Variants in RHOBTB3 observed in about 807,000 individuals in gnomAD.
The protein encoded by RHOBTB3 is Rho related BTB domain containing 3.
Under a neutral mutation model 67.2 loss-of-function variants are expected in RHOBTB3, and 47 were observed. The ratio of observed to expected loss-of-function variants is 0.70; its 90% confidence interval spans 0.55 to 0.89. RHOBTB3 has a LOEUF of 0.89. RHOBTB3 is among the 40% of genes least tolerant of loss of function. The pLI, the probability that RHOBTB3 is intolerant of heterozygous loss-of-function variation, is 0.00. For synonymous variants in RHOBTB3, 273 were observed against 274.2 expected (o/e 1.00, Z 0.04); for missense variants, 631 against 750.0 (o/e 0.84, Z 1.85).
chr5:95,780,853 C>T (rs1304306964), intron 9 of RHOBTB3, among the ~76,000 whole-genome samples: 3 of 152,144 alleles, frequency 2.0e-5, no homozygotes, highest in Non-Finnish European at 4.4e-5. Context: ...CTTTTAAGGA[C>T]TTTCAATATT....
intron 3 of RHOBTB3, among the ~76,000 whole-genome samples, chr5:95,746,064 C>CT (rs1392950057): frequency 1.3e-5 from 2 of 152,050 alleles, no homozygotes; most frequent in Non-Finnish European, 2.9e-5. Context: ...TGTAGAAAGA[C>CT]TAGACATTTT....
intron 7 of RHOBTB3, among the ~76,000 whole-genome samples, 182 bp downstream of exon 7, chr5:95,763,802 T>TTGTGTGTGTG (rs60736311): frequency 0.025 from 3,694 of 148,930 alleles, 146 homozygotes; most frequent in African/African-American, 0.081. Context: ...GTATCTTAGA[T>TTGTGTGTGTG]TGTGTGTGTG....
chr5:95,782,807 C>A (rs1485580912), intron 9 of RHOBTB3: 5 of 61,038 alleles, frequency 8.2e-5, no homozygotes, highest in Non-Finnish European at 1.1e-4. Context: ...GAGACTCCAT[C>A]TCAAAAAAAA....
intron 8 of RHOBTB3, chr5:95,779,954 A>T: frequency 2.9e-6 from 1 of 347,148 alleles, no homozygotes; most frequent in Non-Finnish European, 5.2e-6. Context: ...GTTTCATTAT[A>T]AAAATATGAA....
At chr5:95,744,677 C>G (rs138529179) in intron 3 of RHOBTB3, among the ~76,000 whole-genome samples, 1 of 152,158 alleles carries the variant, frequency 6.6e-6, no homozygotes, top group Admixed American at 6.5e-5. Context: ...GGCTTCCCCC[C>G]ATCCATCCCT....
At chr5:95,721,796 A>C (rs1754890676) in intron 1 of RHOBTB3, among the ~76,000 whole-genome samples, 1 of 152,152 alleles carries the variant, frequency 6.6e-6, no homozygotes, top group South Asian at 2.1e-4. Flanking sequence ...AAGTGAAAAA[A>C]TGTCTGTAAG....
intron 8 of RHOBTB3, among the ~76,000 whole-genome samples, chr5:95,771,664 C>G (rs567367411): frequency 6.6e-6 from 1 of 152,324 alleles, no homozygotes; most frequent in African/African-American, 2.4e-5. Context: ...AAGTGTCTAT[C>G]TAAAGACAAC....
chr5:95,791,084 C>T (rs1019919547), intron 11 of RHOBTB3, among the ~76,000 whole-genome samples: 11 of 152,250 alleles, frequency 7.2e-5, no homozygotes, highest in Admixed American at 2.6e-4. Flanking sequence ...TTTCTTGTCA[C>T]GGTCACTCTA....
intron 8 of RHOBTB3, chr5:95,770,700 T>C: frequency 2.1e-6 from 1 of 475,004 alleles, no homozygotes; most frequent in Non-Finnish European, 4.3e-6. Context: ...GAGGTGGCAT[T>C]TCTGATTCCT....
intron 11 of RHOBTB3, chr5:95,789,369 ATGT>A (rs1359531571): frequency 6.6e-6 from 1 of 152,534 alleles, no homozygotes; most frequent in African/African-American, 2.4e-5. Context: ...TATATAAAAA[ATGT>A]TGTGAAACTT....
intron 3 of RHOBTB3, among the ~76,000 whole-genome samples, chr5:95,739,734 GA>G: frequency 1.3e-5 from 2 of 151,950 alleles, no homozygotes; most frequent in Non-Finnish European, 2.9e-5. Flanking sequence ...TTATAGAAAC[GA>G]AATTCTGCCG....
intron 11 of RHOBTB3, 64 bp from the exon 12 acceptor site, chr5:95,792,995 C>G: frequency 1.8e-6 from 2 of 1,087,208 alleles, no homozygotes; most frequent in Non-Finnish European, 2.8e-6. Context: ...AAATCAATAG[C>G]TGATATCTTA....
At chr5:95,778,427 ACT>A (rs1285068824) in intron 8 of RHOBTB3, among the ~76,000 whole-genome samples, 3 of 148,354 alleles carry the variant, frequency 2.0e-5, no homozygotes, top group South Asian at 4.3e-4. Flanking sequence ...AATATTTTCC[ACT>A]CTCTGTTGGT....
chr5:95,783,427 T>C (rs1178447708), intron 9 of RHOBTB3, among the ~76,000 whole-genome samples: 1 of 151,454 alleles, frequency 6.6e-6, no homozygotes, highest in Non-Finnish European at 1.5e-5. Flanking sequence ...GGCCCTTCTT[T>C]TTAAAATGGA....
intron 7 of RHOBTB3, among the ~76,000 whole-genome samples, chr5:95,765,662 T>A (rs1476332975): frequency 2.0e-5 from 3 of 152,210 alleles, no homozygotes; most frequent in African/African-American, 7.2e-5. Flanking sequence ...TCAGTGACGC[T>A]TTTTGTTTTT....
At chr5:95,743,100 A>T (rs908303578) in intron 3 of RHOBTB3, among the ~76,000 whole-genome samples, 2 of 152,152 alleles carry the variant, frequency 1.3e-5, no homozygotes, top group East Asian at 1.9e-4. Context: ...AATAAATAAA[A>T]AAAACTCTCA....
At chr5:95,743,034 A>G (rs746311167) in intron 3 of RHOBTB3, among the ~76,000 whole-genome samples, 21 of 152,294 alleles carry the variant, frequency 1.4e-4, no homozygotes, top group South Asian at 2.1e-4. Context: ...TTGCGCCACT[A>G]CACTCCAGCC....
intron 9 of RHOBTB3, among the ~76,000 whole-genome samples, chr5:95,783,359 T>C (rs1056068856): frequency 2.0e-5 from 3 of 151,452 alleles, no homozygotes; most frequent in African/African-American, 7.3e-5. Flanking sequence ...CTTGACCTCG[T>C]GATCCGCCCA....
intron 8 of RHOBTB3, among the ~76,000 whole-genome samples, chr5:95,773,187 T>C (rs13188464): frequency 0.51 from 77,322 of 152,020 alleles, 20,389 homozygotes; most frequent in Admixed American, 0.6. Context: ...CCTAATGGCG[T>C]GCTTTTCTTC....
Sources: allele counts gnomAD v4.1 joint callset (sites outside exome capture counted in the v4.1 genomes callset), GRCh38; gene constraint gnomAD v4.1.1; transcripts MANE v1.5; gene names NCBI Gene and HGNC (gene_info 2026-07-23, HGNC 2026-07-21).